The following ABHD16A variants were observed in gnomAD, a reference collection of about 807,000 sequenced individuals.
ABHD16A encodes the protein phosphatidylserine lipase ABHD16A.
In ABHD16A, 47 loss-of-function variants were observed where a neutral mutation model predicts 89.8. The ratio of observed to expected loss-of-function variants is 0.52; its 90% CI spans 0.41 to 0.67. ABHD16A has a LOEUF of 0.67. Among genes scored for constraint, ABHD16A ranks in the 30% least tolerant of loss-of-function variants. The pLI, the probability that ABHD16A is intolerant of heterozygous loss-of-function variation, is 0.00. For synonymous variants in ABHD16A, 251 were observed against 280.4 expected, an observed-to-expected ratio of 0.90 and a Z score of 1.05; for missense variants, 580 against 734.6, an observed-to-expected ratio of 0.79 and a Z score of 2.43.
Position 31,703,221 on chromosome 6 carries a change from C to T in ABHD16A, c.61G>A (p.Asp21Asn). The T allele has an allele frequency of 6.9e-7, 1 of 1,441,506 alleles. No homozygotes were observed. The highest frequency in any genetic ancestry group is 9.2e-7 in the Non-Finnish European group (1 of 1,087,266). The allele number at this position is 1,441,506 out of a possible 1,614,324, so 89.3% of individuals were successfully genotyped here. A position where few individuals can be genotyped will look rare whatever the true frequency, so the allele number is the denominator to read the frequency against. The stretch of plus-strand genomic sequence containing the variant: ...ACGCTGGCCGGGGCCCTTTCAGAGT[C>T]CCTCTCCCGGTAGATTTTGTAGAGC... ...PRLYKIYRER[D>N]SERAPASVPE... Residue 21 changes from aspartate to asparagine, a missense_variant, in exon 1 of 20, where the codon GAC becomes AAC. By Grantham distance (23) the Asp-to-Asn change is conservative. Around this residue, in one of 2 missense-constraint regions of ABHD16A, gnomAD observed 165 missense variants for 165.8 expected, o/e 1.00. Transcript: ENST00000395952.
rs767208638 is a variant in ABHD16A, at chr6:31,688,055, C to T, written c.1356G>A (p.Lys452=). The T allele has an allele frequency of 5.0e-6, 8 of 1,612,924 alleles. No homozygotes were observed. In the South Asian group the frequency reaches 7.7e-5, roughly 16 times the overall value. The change falls in exon 16 of 20, where the codon AAG becomes AAA. Residue 452 remains lysine, a synonymous_variant. Transcript: ENST00000395952. The surrounding 1 kb of genome is among the most constrained non-coding windows in gnomAD (Gnocchi z 4.9). ...MSNRGNDLLL[K]LLQHRYPRVM... ...CTGGCTCTCACCGATGCTGCAGGAGCTTCAGCAGGAGGTCATTGCCTCGGT... is the reference window on the plus strand; with the variant it reads ...CTGGCTCTCACCGATGCTGCAGGAGTTTCAGCAGGAGGTCATTGCCTCGGT...
At position 31,690,008 on chromosome 6, in the gene ABHD16A, C is replaced by G; in HGVS notation, c.957+70G>C. On this transcript the variant is annotated intron_variant, in intron 11 of 19. Coordinates refer to ENST00000395952, the MANE Select transcript of ABHD16A (RefSeq NM_021160.3). This position sits in a 1 kb window ranked among gnomAD's most constrained non-coding sequence, Gnocchi z 4.1. ...CAAGAAATCCACAGCCCCTCTCCTC[C>G]CTCCAATGGCTGACCAGAGGGAAAC... 1 of 1,480,766 alleles carries G rather than the reference C, an allele frequency of 6.8e-7. No individual in the cohort carries two copies. Among genetic ancestry groups the G allele is most frequent in the South Asian group, 1.3e-5 (1 of 74,452 alleles). The allele number at this position is 1,480,766 out of a possible 1,614,324, so 91.7% of individuals were successfully genotyped here. A position where few individuals can be genotyped will look rare whatever the true frequency, so the allele number is the denominator to read the frequency against.
At chr6:31,696,089 G>A (rs1281001318) in intron 5 of ABHD16A, among the ~76,000 whole-genome samples, 2 of 151,794 alleles carry the variant, frequency 1.3e-5, no homozygotes, top group East Asian at 1.9e-4. Context: ...GCATGAACCC[G>A]GGAGGCCGAG....
intron 11 of ABHD16A, 71 bp from the exon 12 acceptor site, chr6:31,689,775 G>A: frequency 5.8e-6 from 9 of 1,546,242 alleles, no homozygotes; most frequent in African/African-American, 1.4e-5. Flanking sequence ...TCCCAACGTG[G>A]ACCCCTCCTG....
At position 31,698,464 on chromosome 6, in the gene ABHD16A, T is replaced by G. The variant is rs1804599702; in HGVS notation, c.344-1431A>C. ...AATTTAAAAAGGCTTTTATATTTTGTTCTCTGGACTTTTCTGTATTTTTTC... is the reference window on the plus strand; with the variant it reads ...AATTTAAAAAGGCTTTTATATTTTGGTCTCTGGACTTTTCTGTATTTTTTC... On this transcript the variant is annotated intron_variant, in intron 4 of 19. Coordinates refer to ENST00000395952, the MANE Select transcript of ABHD16A (RefSeq NM_021160.3). The surrounding 1 kb of genome is among the most constrained non-coding windows in gnomAD (Gnocchi z 4.1). 6.7e-6 allele frequency among the ~76,000 whole-genome samples: 1 copy of G among 150,136 alleles called. No individual in the cohort carries two copies. Among genetic ancestry groups the G allele is most frequent in the Non-Finnish European group, 1.5e-5 (1 of 67,732 alleles).
chr6:31,689,192 C>A, intron 12 of ABHD16A, 73 bp from the exon 13 acceptor site: 2 of 1,384,872 alleles, frequency 1.4e-6, no homozygotes, highest in South Asian at 1.3e-5. Flanking sequence ...TGCTCTCATC[C>A]CACTGACCCT....
intron 2 of ABHD16A, 46 bp from the exon 3 acceptor site, chr6:31,701,386 CACA>C: frequency 4.7e-6 from 7 of 1,480,438 alleles, no homozygotes; most frequent in African/African-American, 1.4e-5. Flanking sequence ...CACACACACA[CACA>C]CCTGCCATTC....
chr6:31,701,926 C>T, intron 2 of ABHD16A, 148 bp downstream of exon 2: 1 of 781,816 alleles, frequency 1.3e-6, no homozygotes, highest in Non-Finnish European at 2.2e-6. Flanking sequence ...TAGAGTGTGC[C>T]TGTGTGTCTG....
intron 1 of ABHD16A, chr6:31,702,806 A>G: frequency 7.0e-7 from 1 of 1,426,140 alleles, no homozygotes; most frequent in Non-Finnish European, 9.2e-7. Context: ...GGAGTCTGAC[A>G]GCAAAATTCA....
intron 2 of ABHD16A, 142 bp from the exon 3 acceptor site, chr6:31,701,482 G>A: frequency 1.4e-6 from 1 of 691,228 alleles, no homozygotes; most frequent in Non-Finnish European, 2.5e-6. Flanking sequence ...CATGAATACA[G>A]TAGGTGCTCA....
Position 31,688,897 on chromosome 6 carries a change from C to T in ABHD16A, c.1187-111G>A. 7.0e-7 allele frequency: 1 copy of T among 1,428,404 alleles called. No individual in the cohort carries two copies. Among genetic ancestry groups the T allele is most frequent in the South Asian group, 1.2e-5 (1 of 82,124 alleles). The allele number at this position is 1,428,404 out of a possible 1,614,324, so 88.5% of individuals were successfully genotyped here. Reference sequence around the variant, plus strand: ...TGAGGCCCCCAGACAAAGGAGTCCTCCTGCTTCCAACAATGGGGCGACTTA... The same window carrying T: ...TGAGGCCCCCAGACAAAGGAGTCCTTCTGCTTCCAACAATGGGGCGACTTA... On this transcript the variant is annotated intron_variant, in intron 13 of 19. Transcript: ENST00000395952. This position sits in a 1 kb window ranked among gnomAD's most constrained non-coding sequence, Gnocchi z 4.9.
intron 3 of ABHD16A, 52 bp from the exon 4 acceptor site, chr6:31,701,080 C>G: frequency 1.3e-6 from 2 of 1,510,474 alleles, no homozygotes; most frequent in Non-Finnish European, 1.8e-6. Context: ...TCCCTCAGCT[C>G]CTCTTCCCAG....
chr6:31,690,060 T>C lies in ABHD16A; in HGVS notation c.957+18A>G, dbSNP rs746077534. 6.3e-7 allele frequency: 1 copy of C among 1,578,660 alleles called. No homozygotes were observed. The highest frequency in any genetic ancestry group is 1.2e-5 in the South Asian group (1 of 85,876). On this transcript the variant is annotated intron_variant, in intron 11 of 19. Coordinates refer to ENST00000395952, the MANE Select transcript of ABHD16A (RefSeq NM_021160.3). This position sits in a 1 kb window ranked among gnomAD's most constrained non-coding sequence, Gnocchi z 4.1. ...GACATAATTCAGGAAAAGGAAGGGA[T>C]TCCTGAGATGGTCTCACCGTGCTTC...
Position 31,694,387 on chromosome 6 carries a change from C to CTTTTTTTTTTT in ABHD16A, c.430-966_430-956dup, listed in dbSNP as rs1190272819. On this transcript the variant is annotated intron_variant, in intron 5 of 19. Coordinates refer to ENST00000395952, the MANE Select transcript of ABHD16A (RefSeq NM_021160.3). Reference sequence around the variant, plus strand: ...TTTTTGACGGCAGTGGGAGCTGTGTCTTTTTTTTTTTTTTTTTTTTTGAGA... The same window carrying CTTTTTTTTTTT: ...TTTTTGACGGCAGTGGGAGCTGTGTCTTTTTTTTTTTTTTTTTTTTTTTTTTTTTTTTGAGA... Among the ~76,000 whole-genome samples, 19 of 77,704 alleles carry CTTTTTTTTTTT rather than the reference C, an allele frequency of 2.4e-4. 1 individual carries two copies. Among genetic ancestry groups the CTTTTTTTTTTT allele is most frequent in the Admixed American group, 5.4e-4 (3 of 5,528 alleles). 51.0% of individuals were successfully genotyped at this position (77,704 alleles called of 152,430 possible).
At chr6:31,702,778 C>T in intron 1 of ABHD16A, 1 of 1,474,844 alleles carries the variant, frequency 6.8e-7, no homozygotes, top group South Asian at 1.4e-5. Context: ...TGAAGAGGCA[C>T]TGAAGAAGAG....
At chr6:31,700,826 A>G in intron 4 of ABHD16A, 116 bp downstream of exon 4, 1 of 794,386 alleles carries the variant, frequency 1.3e-6, no homozygotes, top group Non-Finnish European at 2.1e-6. Flanking sequence ...GCCTTAAACC[A>G]TTCTCAATGA....
chr6:31,694,641 T>G (rs1320059309), intron 5 of ABHD16A, among the ~76,000 whole-genome samples: 1 of 152,080 alleles, frequency 6.6e-6, no homozygotes, highest in Non-Finnish European at 1.5e-5. Flanking sequence ...TCCACCCGCC[T>G]CGGCCTTCCA....
intron 9 of ABHD16A, chr6:31,691,364 T>C: frequency 1.8e-6 from 1 of 554,690 alleles, no homozygotes; most frequent in Non-Finnish European, 3.2e-6. Flanking sequence ...GTGGTAACTA[T>C]TAATATTAGT....
Position 31,688,524 on chromosome 6 carries a change from G to T in ABHD16A, c.1250+199C>A. 1 of 801,602 alleles carries T rather than the reference G, an allele frequency of 1.2e-6. No homozygotes were observed. The allele number at this position is 801,602 out of a possible 1,614,324, so 49.7% of individuals were successfully genotyped here. A position where few individuals can be genotyped will look rare whatever the true frequency, so the allele number is the denominator to read the frequency against. On this transcript the variant is annotated intron_variant, in intron 14 of 19. Coordinates refer to ENST00000395952, the MANE Select transcript of ABHD16A (RefSeq NM_021160.3). The surrounding 1 kb of genome is among the most constrained non-coding windows in gnomAD (Gnocchi z 4.9). ...TGCCGTGCCAGGCCTTAACCCTTTG[G>T]TTGCCAGATCCTGAGGTGGTCCAGA...
Sources: gnomAD v4.1 joint callset for allele counts (sites outside exome capture counted in the v4.1 genomes callset) on GRCh38, gnomAD v4.1.1 for gene constraint, gnomAD v4.1.1 regional missense constraint, Gnocchi (gnomAD v3.1) non-coding constraint, MANE v1.5 for transcripts, NCBI Gene and HGNC (gene_info 2026-07-23, HGNC 2026-07-21) for gene names.